CRY1: variants seen among roughly 807,000 people sequenced by gnomAD.
The protein encoded by CRY1 is cryptochrome-1.
Under a neutral mutation model 76.0 loss-of-function variants are expected in CRY1, and 45 were observed. The ratio of observed to expected loss-of-function variants is 0.59; its 90% CI spans 0.47 to 0.76. The LOEUF is 0.76. Among genes scored for constraint, CRY1 ranks in the 30% least tolerant of loss-of-function variants. CRY1 has a pLI of 0.00. For synonymous variants in CRY1, 248 were observed against 244.0 expected (o/e 1.02, Z -0.15); for missense variants, 587 against 716.4 (o/e 0.82, Z 2.06).
At chr12:107,078,259 A>G (rs551292898) in intron 1 of CRY1, among the ~76,000 whole-genome samples, 3 of 152,244 alleles carry the variant, frequency 2.0e-5, no homozygotes, top group East Asian at 3.9e-4. Flanking sequence ...TCAGAATCAT[A>G]TAACTCCTGG....
chr12:107,000,045 GCATT>G lies in CRY1; in HGVS notation c.718_721del (p.Asn240ArgfsTer29). The G allele has an allele frequency of 1.2e-6, 2 of 1,609,584 alleles. No homozygotes were observed. Among genetic ancestry groups the G allele is most frequent in the Non-Finnish European group, 1.7e-6 (2 of 1,178,926 alleles). ...AGTAGGGCTTGCAAGCAGAGAATTC[GCATT>G]CATTCGAGGTCTTTCAAAATTTGCC... On this transcript the variant is annotated frameshift_variant, in exon 6 of 13. Coordinates refer to ENST00000008527, the MANE Select transcript of CRY1 (RefSeq NM_004075.5). LOFTEE classifies it high-confidence loss of function.
At chr12:107,059,218 T>C (rs1446234237) in intron 1 of CRY1, among the ~76,000 whole-genome samples, 2 of 152,162 alleles carry the variant, frequency 1.3e-5, no homozygotes, top group East Asian at 1.9e-4. Context: ...ACCCCCCAAA[T>C]TGATATCATA....
chr12:107,040,646 T>C (rs189905608), intron 1 of CRY1, among the ~76,000 whole-genome samples: 35 of 152,206 alleles, frequency 2.3e-4, no homozygotes, highest in African/African-American at 7.9e-4. Flanking sequence ...TAATGTATTT[T>C]ACACTTAAAA....
intron 2 of CRY1, among the ~76,000 whole-genome samples, chr12:107,011,429 A>G (rs1382390369): frequency 6.6e-6 from 1 of 152,086 alleles, no homozygotes; most frequent in Non-Finnish European, 1.5e-5. Context: ...GTTAGCCAAG[A>G]TGTCTAAACA....
At chr12:107,054,741 A>C (rs1171522293) in intron 1 of CRY1, among the ~76,000 whole-genome samples, 2 of 151,866 alleles carry the variant, frequency 1.3e-5, no homozygotes, top group African/African-American at 4.8e-5. Flanking sequence ...AATGAACTGT[A>C]AAGAAATATA....
rs1032725835 is a variant in CRY1 at position 107,075,656 on chromosome 12, G to A, written c.158+17148C>T. Among the ~76,000 whole-genome samples, 3 of 152,124 alleles carry A rather than the reference G, an allele frequency of 2.0e-5. 1 individual carries two copies. The highest frequency in any genetic ancestry group is 6.4e-3 in the Middle Eastern group (2 of 314). ...CATACTGACACCCACCCTGTGCCAC[G>A]TATTGAGCCACCAGACCTAACTATG... is the stretch of plus-strand genomic sequence containing the variant. On this transcript the variant is annotated intron_variant, in intron 1 of 12. Coordinates refer to ENST00000008527, the MANE Select transcript of CRY1 (RefSeq NM_004075.5).
intron 2 of CRY1, among the ~76,000 whole-genome samples, chr12:107,005,763 T>A (rs569001603): frequency 1.4e-4 from 21 of 152,268 alleles, no homozygotes; most frequent in African/African-American, 5.1e-4. Flanking sequence ...GTCGTGTGTG[T>A]GTGTGTATGT....
At chr12:107,079,730 A>C (rs531715782) in intron 1 of CRY1, among the ~76,000 whole-genome samples, 2 of 152,084 alleles carry the variant, frequency 1.3e-5, no homozygotes, top group Admixed American at 1.3e-4. Context: ...TCCACTTTAC[A>C]CTTCAAGTTT....
chr12:107,052,274 A>C (rs768804806), intron 1 of CRY1, among the ~76,000 whole-genome samples: 1 of 152,172 alleles, frequency 6.6e-6, no homozygotes, highest in African/African-American at 2.4e-5. Flanking sequence ...TAAAAAATCT[A>C]ACGTAATTAG....
At chr12:107,067,318 T>C (rs1260820348) in intron 1 of CRY1, among the ~76,000 whole-genome samples, 1 of 152,312 alleles carries the variant, frequency 6.6e-6, no homozygotes, top group African/African-American at 2.4e-5. Context: ...GTCTATACTA[T>C]CGACTCTATA....
chr12:107,092,654 C>G, intron 1 of CRY1, 150 bp downstream of exon 1: 1 of 1,127,332 alleles, frequency 8.9e-7, no homozygotes, highest in Non-Finnish European at 1.3e-6. Context: ...TAAGTCAATT[C>G]TATTTAATAC....
chr12:107,081,366 T>C (rs1020362939), intron 1 of CRY1, among the ~76,000 whole-genome samples: 4 of 152,092 alleles, frequency 2.6e-5, no homozygotes, highest in African/African-American at 9.7e-5. Flanking sequence ...TAATGCCTAC[T>C]ATGTATAAGC....
rs1305629890 is a variant in CRY1, at chr12:107,022,065, C to T, written c.267+19G>A. The T allele has an allele frequency of 6.5e-7, 1 of 1,535,920 alleles. No homozygotes were observed. Among genetic ancestry groups the T allele is most frequent in the Non-Finnish European group, 9.0e-7 (1 of 1,117,266 alleles). ...TTATCTGAGAAAAGATTGTTTTATG[C>T]AAATATTTTTCAAATTACCTTGAAA... is the stretch of plus-strand genomic sequence containing the variant. On this transcript the variant is annotated intron_variant, in intron 2 of 12. Coordinates refer to ENST00000008527, the MANE Select transcript of CRY1 (RefSeq NM_004075.5).
chr12:107,062,029 AAAAAAAAAAAAAAAAGAAAAAAAG>A (rs1295927475), intron 1 of CRY1, among the ~76,000 whole-genome samples: 1 of 149,708 alleles, frequency 6.7e-6, no homozygotes, highest in Non-Finnish European at 1.5e-5. Context: ...CTGTCTCAAA[AAAAAAAAAAAAAAAAGAAAAAAAG>A]AAAAAAAAAA....
chr12:107,035,004 G>A (rs994999855), intron 1 of CRY1, among the ~76,000 whole-genome samples: 1 of 152,070 alleles, frequency 6.6e-6, no homozygotes, highest in African/African-American at 2.4e-5. Flanking sequence ...TACCAGGTTA[G>A]GCCAAATAAA....
chr12:107,044,509 A>G (rs113553697), intron 1 of CRY1, among the ~76,000 whole-genome samples: 3 of 152,302 alleles, frequency 2.0e-5, no homozygotes, highest in African/African-American at 4.8e-5. Flanking sequence ...CTAAAACCCA[A>G]TAACAGGTGA....
intron 1 of CRY1, among the ~76,000 whole-genome samples, chr12:107,051,545 A>G (rs1386863913): frequency 6.6e-6 from 1 of 152,210 alleles, no homozygotes; most frequent in African/African-American, 2.4e-5. Context: ...TGAGAATAAG[A>G]TATGGATATT....
intron 2 of CRY1, among the ~76,000 whole-genome samples, chr12:107,019,776 C>A (rs2057474377): frequency 6.6e-6 from 1 of 151,922 alleles, no homozygotes. Flanking sequence ...AAAAAATTAG[C>A]CAAGTATGGT....
Position 106,991,594 on chromosome 12 carries a change from A to G in CRY1, c.*408T>C, listed in dbSNP as rs758567535. The G allele has an allele frequency of 1.3e-5, 2 of 152,758 alleles. No individual in the cohort carries two copies. The highest frequency in any genetic ancestry group is 1.9e-4 in the East Asian group (1 of 5,184). The allele number at this position is 152,758 out of a possible 1,614,324, so 9.5% of individuals were successfully genotyped here. On this transcript the variant is annotated 3_prime_UTR_variant, in exon 13 of 13. Transcript: ENST00000008527. ...AGAGTGCAAAGTTAGATCAAACAAC[A>G]TCAAGAAAATTCTGTCCTAAAATTT...
Sources: gnomAD v4.1 joint callset for allele counts (sites outside exome capture counted in the v4.1 genomes callset) on GRCh38, gnomAD v4.1.1 for gene constraint, MANE v1.5 for transcripts, NCBI Gene and HGNC (gene_info 2026-07-23, HGNC 2026-07-21) for gene names.